The following SGCZ variants were observed in gnomAD, a reference collection of about 807,000 sequenced individuals.
SGCZ encodes the protein zeta-sarcoglycan.
A neutral mutation model predicts 41.3 loss-of-function variants in SGCZ; 40 were observed. The ratio of observed to expected loss-of-function variants is 0.97; its 90% confidence interval spans 0.75 to 1.26. SGCZ has a LOEUF of 1.26. Ranked by LOEUF, SGCZ falls within the 50% of genes most tolerant of loss-of-function variation. The pLI, the probability that SGCZ is intolerant of heterozygous loss-of-function variation, is 0.00. For missense variants in SGCZ, 552 were observed against 369.8 expected (o/e 1.49, Z -4.04); for synonymous variants, 206 against 137.5 (o/e 1.50, Z -3.49).
At chr8:14,427,100 A>G (rs1038888807) in intron 2 of SGCZ, among the ~76,000 whole-genome samples, 3 of 152,072 alleles carry the variant, frequency 2.0e-5, no homozygotes, top group Non-Finnish European at 2.9e-5. Context: ...GAATGAATGA[A>G]TGAGTGAATG....
intron 2 of SGCZ, among the ~76,000 whole-genome samples, chr8:14,457,573 C>T (rs983335502): frequency 9.2e-5 from 14 of 152,338 alleles, no homozygotes; most frequent in South Asian, 4.1e-4. Flanking sequence ...TCAGTGGTCA[C>T]GCTCCTAGTC....
chr8:14,670,091 A>G (rs1808056369), intron 1 of SGCZ, among the ~76,000 whole-genome samples: 1 of 152,232 alleles, frequency 6.6e-6, no homozygotes, highest in African/African-American at 2.4e-5. Context: ...CAACTCCAGC[A>G]GGAATTTTAA....
intron 2 of SGCZ, among the ~76,000 whole-genome samples, chr8:14,410,437 C>T (rs1450299319): frequency 6.6e-6 from 1 of 150,572 alleles, no homozygotes; most frequent in Non-Finnish European, 1.5e-5. Flanking sequence ...TTCAATGACC[C>T]AAATGGATCT....
At position 14,089,492 on chromosome 8, in the gene SGCZ, T is replaced by C. The variant is rs1177032786; in HGVS notation, c.*951A>G. Among the ~76,000 whole-genome samples, 1 of 151,996 alleles carries C rather than the reference T, an allele frequency of 6.6e-6. No homozygotes were observed. The highest frequency in any genetic ancestry group is 6.6e-5 in the Admixed American group (1 of 15,218). ...TATTTATTTAGAAGATGTTTGAATT[T>C]TAGCAGTCAGAATCAAGTGCAGAGT... On this transcript the variant is annotated 3_prime_UTR_variant, in exon 8 of 8. Transcript: ENST00000382080.
intron 1 of SGCZ, among the ~76,000 whole-genome samples, chr8:14,832,169 C>T (rs1017936822): frequency 5.3e-5 from 8 of 152,064 alleles, no homozygotes; most frequent in Non-Finnish European, 7.4e-5. Context: ...TTGCAGACAT[C>T]GTGACATTAA....
At chr8:14,734,344 GAA>G (rs1263443763) in intron 1 of SGCZ, among the ~76,000 whole-genome samples, 1 of 152,042 alleles carries the variant, frequency 6.6e-6, no homozygotes, top group African/African-American at 2.4e-5. Context: ...TAAATGGTAA[GAA>G]AACTACAGCA....
At chr8:14,981,085 G>A (rs914615797) in intron 1 of SGCZ, among the ~76,000 whole-genome samples, 2 of 152,002 alleles carry the variant, frequency 1.3e-5, no homozygotes, top group African/African-American at 4.8e-5. Context: ...CCCTTGCTCA[G>A]AAATCTCCTA....
At chr8:14,894,782 A>C (rs2130748711) in intron 1 of SGCZ, among the ~76,000 whole-genome samples, 1 of 152,316 alleles carries the variant, frequency 6.6e-6, no homozygotes, top group South Asian at 2.1e-4. Context: ...GTGAATAAAT[A>C]AATGAATATA....
chr8:14,183,621 C>A (rs188484751), intron 4 of SGCZ, among the ~76,000 whole-genome samples: 2 of 152,152 alleles, frequency 1.3e-5, no homozygotes, highest in Non-Finnish European at 2.9e-5. Flanking sequence ...AGCATAGTTA[C>A]AAAAATTGTT....
At chr8:14,946,236 G>A (rs1331710017) in intron 1 of SGCZ, among the ~76,000 whole-genome samples, 1 of 150,668 alleles carries the variant, frequency 6.6e-6, no homozygotes, top group African/African-American at 2.4e-5. Context: ...GTTCCTCACA[G>A]TGGTCAATAT....
chr8:14,882,843 C>A (rs140554260), intron 1 of SGCZ, among the ~76,000 whole-genome samples: 1 of 152,182 alleles, frequency 6.6e-6, no homozygotes, highest in South Asian at 2.1e-4. Flanking sequence ...TTTGGATCCA[C>A]TGACTCCAAA....
At chr8:14,212,240 C>T (rs561341375) in intron 4 of SGCZ, among the ~76,000 whole-genome samples, 41 of 152,092 alleles carry the variant, frequency 2.7e-4, no homozygotes, top group Middle Eastern at 3.4e-3. Flanking sequence ...GATGTACCAG[C>T]AGAGATTATG....
At chr8:14,514,081 G>C (rs1435081839) in intron 2 of SGCZ, among the ~76,000 whole-genome samples, 1 of 152,042 alleles carries the variant, frequency 6.6e-6, no homozygotes, top group Non-Finnish European at 1.5e-5. Flanking sequence ...TAGCAGCATA[G>C]GTTAGTCCTT....
chr8:14,187,735 G>C lies in SGCZ; in HGVS notation c.425-23033C>G, dbSNP rs28831762. On this transcript the variant is annotated intron_variant, in intron 4 of 7. Coordinates refer to ENST00000382080, the MANE Select transcript of SGCZ (RefSeq NM_139167.4). ...TAAGAATGTGAACGTGTGTGTAATA[G>C]GAATACCGGAGTAGAGGAAAGGAGA... 7.8e-3 allele frequency among the ~76,000 whole-genome samples: 1,180 copies of C among 152,132 alleles called. 17 individuals carry two copies. The highest frequency in any genetic ancestry group is 0.027 in the African/African-American group (1,122 of 41,522).
At chr8:14,582,920 T>G (rs1804940084) in intron 1 of SGCZ, among the ~76,000 whole-genome samples, 1 of 152,020 alleles carries the variant, frequency 6.6e-6, no homozygotes, top group South Asian at 2.1e-4. Flanking sequence ...GTTGGACATT[T>G]GGGTTGGTTC....
At chr8:14,701,212 T>C (rs1334096158) in intron 1 of SGCZ, among the ~76,000 whole-genome samples, 2 of 151,966 alleles carry the variant, frequency 1.3e-5, no homozygotes, top group Non-Finnish European at 1.5e-5. Context: ...CTAAAGGTAG[T>C]TGCAGCATGG....
intron 1 of SGCZ, among the ~76,000 whole-genome samples, chr8:14,832,486 A>T (rs1802565811): frequency 6.6e-6 from 1 of 150,696 alleles, no homozygotes; most frequent in African/African-American, 2.4e-5. Context: ...CGTATCTAAG[A>T]GATGGGTAGC....
At chr8:14,778,197 T>C (rs1487431549) in intron 1 of SGCZ, among the ~76,000 whole-genome samples, 2 of 152,114 alleles carry the variant, frequency 1.3e-5, no homozygotes, top group African/African-American at 4.8e-5. Context: ...AGGCCTGAAA[T>C]TACAGGCATG....
intron 1 of SGCZ, among the ~76,000 whole-genome samples, chr8:15,016,737 G>C (rs895323232): frequency 5.3e-5 from 8 of 152,134 alleles, no homozygotes; most frequent in Admixed American, 3.9e-4. Context: ...AATGTATAAA[G>C]AAAAGAGGTT....
Sources: gnomAD v4.1 joint callset for allele counts (sites outside exome capture counted in the v4.1 genomes callset) on GRCh38, gnomAD v4.1.1 for gene constraint, MANE v1.5 for transcripts, NCBI Gene and HGNC (gene_info 2026-07-23, HGNC 2026-07-21) for gene names.